RBFOX1: variants seen among roughly 807,000 people sequenced by gnomAD.
The protein encoded by RBFOX1 is RNA binding fox-1 homolog 1.
In RBFOX1, 8 loss-of-function variants were observed where a neutral mutation model predicts 57.7. The observed-to-expected ratio is 0.14, with a 90% CI of 0.08 to 0.25. The LOEUF is 0.25. Ranked by LOEUF, RBFOX1 falls within the 10% of genes least tolerant of loss-of-function variation. The pLI is 1.00. For synonymous variants in RBFOX1, 326 were observed against 222.4 expected (o/e 1.47, Z -4.15); for missense variants, 611 against 548.5 (o/e 1.11, Z -1.14).
At position 6,869,668 on chromosome 16, in the gene RBFOX1, C is replaced by G. The variant is rs148382909; in HGVS notation, c.-15-182389C>G. 4.6e-5 allele frequency among the ~76,000 whole-genome samples: 7 copies of G among 152,302 alleles called. No homozygotes were observed. The East Asian group carries it at 1.2e-3, about 25-fold the overall frequency. ...TGTTAGAACTAGGATTTTTACCCTT[C>G]TCAAAACAAATTCTAGGACACACAT... On this transcript the variant is annotated intron_variant, in intron 3 of 15. Transcript: ENST00000550418.
chr16:7,165,498 C>T (rs947504783), intron 4 of RBFOX1, among the ~76,000 whole-genome samples: 1 of 151,548 alleles, frequency 6.6e-6, no homozygotes, highest in African/African-American at 2.4e-5. Context: ...GGCATGATCT[C>T]GGCTCACCGC....
chr16:5,359,343 G>A (rs2065479022), intron 1 of RBFOX1, among the ~76,000 whole-genome samples: 1 of 152,216 alleles, frequency 6.6e-6, no homozygotes, highest in South Asian at 2.1e-4. Context: ...CAATGGGATT[G>A]CTGGATCATA....
At chr16:5,674,563 A>G (rs1213709387) in intron 3 of RBFOX1, among the ~76,000 whole-genome samples, 1 of 152,220 alleles carries the variant, frequency 6.6e-6, no homozygotes, top group African/African-American at 2.4e-5. Flanking sequence ...TTCCTGGCAG[A>G]GCCCAGGTTC....
At chr16:5,944,950 G>A (rs1359354199) in intron 4 of RBFOX1, among the ~76,000 whole-genome samples, 1 of 107,910 alleles carries the variant, frequency 9.3e-6, no homozygotes, top group South Asian at 3.6e-4. Context: ...TGGAGACAGA[G>A]CAAGACTCTG....
chr16:6,351,563 A>G (rs907210059), intron 2 of RBFOX1, among the ~76,000 whole-genome samples: 23 of 151,726 alleles, frequency 1.5e-4, no homozygotes, highest in African/African-American at 5.3e-4. Context: ...TGGTAGAGAC[A>G]GGGTTTCACT....
chr16:7,432,490 G>A (rs2098689967), intron 4 of RBFOX1, among the ~76,000 whole-genome samples: 1 of 152,134 alleles, frequency 6.6e-6, no homozygotes, highest in African/African-American at 2.4e-5. Context: ...TAAAGACATA[G>A]GATTTCTTGT....
intron 3 of RBFOX1, among the ~76,000 whole-genome samples, chr16:6,729,145 C>G (rs935330535): frequency 1.3e-5 from 2 of 151,994 alleles, no homozygotes; most frequent in African/African-American, 4.8e-5. Flanking sequence ...TATGATTTTG[C>G]TGATATTTTC....
At chr16:5,658,945 C>T (rs1421693468) in intron 3 of RBFOX1, among the ~76,000 whole-genome samples, 1 of 151,452 alleles carries the variant, frequency 6.6e-6, no homozygotes, top group Admixed American at 6.6e-5. Flanking sequence ...ATTGCTTTTA[C>T]GTATTTGCAA....
At chr16:6,916,211 T>A (rs1031515554) in intron 3 of RBFOX1, among the ~76,000 whole-genome samples, 2 of 152,138 alleles carry the variant, frequency 1.3e-5, no homozygotes, top group East Asian at 3.9e-4. Context: ...TCAGGAGGCA[T>A]TCACGGAGCT....
At chr16:7,143,282 C>T (rs181857344) in intron 4 of RBFOX1, among the ~76,000 whole-genome samples, 12 of 152,032 alleles carry the variant, frequency 7.9e-5, no homozygotes, top group African/African-American at 2.7e-4. Context: ...AATGACAATG[C>T]GTCCAACTGT....
intron 3 of RBFOX1, among the ~76,000 whole-genome samples, chr16:6,667,253 C>T (rs2098738743): frequency 6.6e-6 from 1 of 152,118 alleles, no homozygotes; most frequent in Non-Finnish European, 1.5e-5. Context: ...GTGCCATGGA[C>T]ACAGTGGTAA....
intron 1 of RBFOX1, chr16:6,057,146 TA>T (rs1390974550): frequency 6.6e-6 from 1 of 152,092 alleles, no homozygotes; most frequent in Non-Finnish European, 1.5e-5. Flanking sequence ...ATACTTCAGT[TA>T]TGATGGATTG....
chr16:7,009,414 C>G (rs185515349), intron 3 of RBFOX1, among the ~76,000 whole-genome samples: 1 of 151,698 alleles, frequency 6.6e-6, no homozygotes, highest in Admixed American at 6.6e-5. Context: ...TGTGACAAAT[C>G]CACAGGCCTT....
chr16:6,774,750 A>T (rs1010126436), intron 3 of RBFOX1, among the ~76,000 whole-genome samples: 1 of 152,070 alleles, frequency 6.6e-6, no homozygotes, highest in Non-Finnish European at 1.5e-5. Flanking sequence ...AATTAGTTCA[A>T]CTGTTGAGTT....
chr16:6,779,927 T>TTA (rs1418765187), intron 3 of RBFOX1, among the ~76,000 whole-genome samples: 2 of 8,548 alleles, frequency 2.3e-4, no homozygotes, highest in Non-Finnish European at 3.6e-4. Context: ...TTATATATAT[T>TTA]TATATATATT....
intron 3 of RBFOX1, among the ~76,000 whole-genome samples, chr16:6,951,846 G>A (rs2080834621): frequency 6.6e-6 from 1 of 152,132 alleles, no homozygotes; most frequent in African/African-American, 2.4e-5. Flanking sequence ...CGATTCTCCT[G>A]CCTCAGCCTA....
intron 3 of RBFOX1, among the ~76,000 whole-genome samples, chr16:7,042,414 A>G (rs933419533): frequency 2.0e-5 from 3 of 152,168 alleles, no homozygotes; most frequent in Middle Eastern, 3.2e-3. Flanking sequence ...AATATTTCCT[A>G]TCTTTACGGT....
intron 2 of RBFOX1, among the ~76,000 whole-genome samples, chr16:6,621,232 C>A (rs1489194401): frequency 2.0e-5 from 3 of 152,150 alleles, no homozygotes; most frequent in East Asian, 3.9e-4. Context: ...GAGGCCTAGG[C>A]CGGCGGATCA....
chr16:7,295,947 G>A (rs1603545780), intron 4 of RBFOX1, among the ~76,000 whole-genome samples: 1 of 152,200 alleles, frequency 6.6e-6, no homozygotes, highest in African/African-American at 2.4e-5. Flanking sequence ...GTTTGCTGCA[G>A]TGAACCTGTG....
Sources: gnomAD v4.1 joint callset for allele counts (sites outside exome capture counted in the v4.1 genomes callset) on GRCh38, gnomAD v4.1.1 for gene constraint, MANE v1.5 for transcripts, NCBI Gene and HGNC (gene_info 2026-07-23, HGNC 2026-07-21) for gene names.